TBC1D22A: variants seen among roughly 807,000 people sequenced by gnomAD.
TBC1D22A encodes putative GTPase activator.
In TBC1D22A, 38 loss-of-function variants were observed where a neutral mutation model predicts 60.2. The observed-to-expected ratio is 0.63, with a 90% CI of 0.49 to 0.83. The LOEUF is 0.83. Among genes scored for constraint, TBC1D22A ranks in the 40% least tolerant of loss-of-function variants. The pLI is 0.00. For missense variants in TBC1D22A, 628 were observed against 701.0 expected (o/e 0.90, Z 1.18); for synonymous variants, 302 against 281.7 (o/e 1.07, Z -0.72).
At chr22:46,874,508 A>G (rs1254120454) in intron 4 of TBC1D22A, among the ~76,000 whole-genome samples, 1 of 148,040 alleles carries the variant, frequency 6.8e-6, no homozygotes, top group Admixed American at 6.7e-5. Context: ...GCATTTCCCT[A>G]ACGATCAGTG....
intron 12 of TBC1D22A, among the ~76,000 whole-genome samples, chr22:47,150,976 C>T (rs1336087815): frequency 1.3e-5 from 2 of 152,178 alleles, no homozygotes; most frequent in East Asian, 3.9e-4. Flanking sequence ...CTGCCTCAGG[C>T]ACCTGGCGTG....
chr22:47,117,572 G>A (rs1601567625), intron 12 of TBC1D22A, among the ~76,000 whole-genome samples: 1 of 150,256 alleles, frequency 6.7e-6, no homozygotes, highest in African/African-American at 2.4e-5. Flanking sequence ...CCGTGGCATC[G>A]AGCAGGGAGA....
chr22:46,910,036 A>C (rs981174129), intron 7 of TBC1D22A, among the ~76,000 whole-genome samples: 1 of 152,248 alleles, frequency 6.6e-6, no homozygotes, highest in African/African-American at 2.4e-5. Flanking sequence ...AGAAATTCTT[A>C]AATGGCACTG....
intron 4 of TBC1D22A, among the ~76,000 whole-genome samples, chr22:46,801,650 G>A (rs944497669): frequency 2.6e-5 from 4 of 152,370 alleles, no homozygotes; most frequent in South Asian, 4.1e-4. Context: ...CCTGAGGACC[G>A]TCTAGGGCCT....
At chr22:47,071,099 T>C (rs935838238) in intron 11 of TBC1D22A, among the ~76,000 whole-genome samples, 1 of 152,272 alleles carries the variant, frequency 6.6e-6, no homozygotes, top group African/African-American at 2.4e-5. Context: ...ACCCCATACC[T>C]GTGCTTATTT....
chr22:46,837,747 T>C (rs2086583181), intron 4 of TBC1D22A, among the ~76,000 whole-genome samples: 1 of 152,184 alleles, frequency 6.6e-6, no homozygotes, highest in South Asian at 2.1e-4. Context: ...GGAAAGTTTA[T>C]AGTGATAAGT....
In TBC1D22A at chr22:47,056,305, C is replaced by T. The variant is rs2063391485; in HGVS notation, c.1329+19107C>T. Among the ~76,000 whole-genome samples the T allele has an allele frequency of 2.6e-5, 4 of 152,152 alleles. No homozygotes were observed. The South Asian group carries it at 8.3e-4, about 32-fold the overall frequency. Reference sequence around the variant, plus strand: ...TCTGCTTGCTGTTTAAAGGAATCTCCTCCGGCCGGGTGCTTGTTAGTGATT... The same window carrying T: ...TCTGCTTGCTGTTTAAAGGAATCTCTTCCGGCCGGGTGCTTGTTAGTGATT... On this transcript the variant is annotated intron_variant, in intron 11 of 12. Transcript: ENST00000337137.
At chr22:46,997,549 C>G (rs1186401292) in intron 9 of TBC1D22A, 85 bp from the exon 10 acceptor site, 15 of 1,053,852 alleles carry the variant, frequency 1.4e-5, no homozygotes, top group Non-Finnish European at 2.0e-5. Context: ...TAAAGCTGTT[C>G]ACTTTATCCC....
At chr22:46,935,063 A>C (rs1569239627) in intron 8 of TBC1D22A, among the ~76,000 whole-genome samples, 1 of 152,148 alleles carries the variant, frequency 6.6e-6, no homozygotes, top group Admixed American at 6.5e-5. Context: ...GTGTCTCATC[A>C]TGCAGGTTTT....
At chr22:46,935,600 C>T (rs539795733) in intron 8 of TBC1D22A, among the ~76,000 whole-genome samples, 2 of 152,224 alleles carry the variant, frequency 1.3e-5, no homozygotes, top group Middle Eastern at 3.2e-3. Context: ...TCTCGCCCCC[C>T]TCCTTTCCGA....
intron 8 of TBC1D22A, among the ~76,000 whole-genome samples, chr22:46,936,284 G>GT (rs1325015395): frequency 2.6e-5 from 4 of 151,592 alleles, no homozygotes; most frequent in African/African-American, 9.7e-5. Flanking sequence ...GCTCCTCGCG[G>GT]TTCTGCACGC....
At chr22:47,036,648 G>T (rs1449958235) in intron 10 of TBC1D22A, among the ~76,000 whole-genome samples, 1 of 152,280 alleles carries the variant, frequency 6.6e-6, no homozygotes, top group Non-Finnish European at 1.5e-5. Context: ...ACAAGATTGG[G>T]CCCCTCCTGA....
At chr22:47,001,306 T>TC (rs2061402496) in intron 10 of TBC1D22A, among the ~76,000 whole-genome samples, 1 of 149,972 alleles carries the variant, frequency 6.7e-6, no homozygotes, top group Non-Finnish European at 1.5e-5. Flanking sequence ...TTTCTTTTTT[T>TC]TTTTTTTTTT....
chr22:46,925,052 A>G lies in TBC1D22A; in HGVS notation c.1015+12864A>G, dbSNP rs181535123. On this transcript the variant is annotated intron_variant, in intron 8 of 12. Transcript: ENST00000337137. ...AGAGCTTTGAGTGACAGTGAGGGAAAGAAGAGCTGGTGCTAGTTTCTCATT... is the reference window on the plus strand; with the variant it reads ...AGAGCTTTGAGTGACAGTGAGGGAAGGAAGAGCTGGTGCTAGTTTCTCATT... Among the ~76,000 whole-genome samples, 45 of 152,370 alleles carry G rather than the reference A, an allele frequency of 3.0e-4. 1 individual carries two copies. The highest frequency in any genetic ancestry group is 3.4e-3 in the Middle Eastern group (1 of 294).
intron 11 of TBC1D22A, among the ~76,000 whole-genome samples, chr22:47,097,195 T>G (rs935346121): frequency 8.5e-5 from 13 of 152,232 alleles, no homozygotes; most frequent in African/African-American, 3.1e-4. Flanking sequence ...GATACAGTCT[T>G]CACCTTGTCG....
At chr22:46,763,349 T>TGA (rs2083170511) in intron 1 of TBC1D22A, 2 of 152,864 alleles carry the variant, frequency 1.3e-5, no homozygotes, top group Non-Finnish European at 1.5e-5. Context: ...TCCATGTTTC[T>TGA]GCTTGCTGGT....
At chr22:46,861,951 C>T (rs1247336754) in intron 4 of TBC1D22A, among the ~76,000 whole-genome samples, 1 of 152,216 alleles carries the variant, frequency 6.6e-6, no homozygotes, top group African/African-American at 2.4e-5. Flanking sequence ...CCTGTGCTTC[C>T]AGGAGGGACT....
intron 12 of TBC1D22A, among the ~76,000 whole-genome samples, chr22:47,121,714 AT>A (rs200665461): frequency 0.037 from 5,429 of 147,190 alleles, 299 homozygotes; most frequent in African/African-American, 0.12. Flanking sequence ...TTGAAAAAAA[AT>A]TTTTTTTTTT....
intron 4 of TBC1D22A, among the ~76,000 whole-genome samples, chr22:46,799,170 C>T (rs2084791367): frequency 6.6e-6 from 1 of 152,112 alleles, no homozygotes; most frequent in South Asian, 2.1e-4. Flanking sequence ...CTCCTTCCAG[C>T]GATGGCCCAT....
Sources: gnomAD v4.1 joint callset for allele counts (sites outside exome capture counted in the v4.1 genomes callset) on GRCh38, gnomAD v4.1.1 for gene constraint, MANE v1.5 for transcripts, NCBI Gene and HGNC (gene_info 2026-07-23, HGNC 2026-07-21) for gene names.